GDA: variants seen among roughly 807,000 people sequenced by gnomAD.
The protein encoded by GDA is cytoplasmic PSD-95 interactor.
GDA carries 18 observed loss-of-function variants against 59.6 expected under a neutral mutation model. That is an observed-to-expected ratio of 0.30 (90% CI 0.21 to 0.45). The LOEUF (loss-of-function observed/expected upper bound fraction) is 0.45. Ranked by LOEUF, GDA falls within the 20% of genes least tolerant of loss-of-function variation. The pLI, the probability that GDA is intolerant of heterozygous loss-of-function variation, is 1.00. For synonymous variants in GDA, 201 were observed against 201.1 expected (o/e 1.00, Z 0.00); for missense variants, 427 against 552.3 (o/e 0.77, Z 2.27).
downstream of GDA, among the ~76,000 whole-genome samples, chr9:72,259,537 G>A (rs116535726): frequency 4.1e-3 from 628 of 152,294 alleles, 4 homozygotes; most frequent in African/African-American, 0.014. Context: ...AGCCATGGAA[G>A]ACCTGCTGAT....
chr9:72,255,865 T>C (rs560232491), downstream of GDA, among the ~76,000 whole-genome samples: 12 of 152,328 alleles, frequency 7.9e-5, no homozygotes, highest in South Asian at 4.1e-4. Flanking sequence ...ATGGATGTAT[T>C]ATTTATTGTA....
At chr9:72,230,838 AT>A (rs1838250256) in intron 9 of GDA, among the ~76,000 whole-genome samples, 1 of 152,162 alleles carries the variant, frequency 6.6e-6, no homozygotes, top group South Asian at 2.1e-4. Context: ...TGATTTCTTC[AT>A]TTTTTTCCCA....
intron 1 of GDA, among the ~76,000 whole-genome samples, chr9:72,157,325 G>A (rs1828033854): frequency 6.6e-6 from 1 of 152,166 alleles, no homozygotes; most frequent in South Asian, 2.1e-4. Flanking sequence ...ACAGGCGTGA[G>A]CCACGGTAGC....
intron 1 of GDA, chr9:72,194,248 T>G (rs570970600): frequency 4.6e-5 from 7 of 152,314 alleles, no homozygotes; most frequent in African/African-American, 1.7e-4. Flanking sequence ...TGTGCTGAGT[T>G]TCACCCAAGG....
chr9:72,127,052 C>T (rs186841280), intron 1 of GDA, among the ~76,000 whole-genome samples: 148 of 152,062 alleles, frequency 9.7e-4, no homozygotes, highest in African/African-American at 3.4e-3. Flanking sequence ...TTGCTCCAAA[C>T]TTACCATCTA....
chr9:72,220,300 T>G (rs760101428), intron 6 of GDA, among the ~76,000 whole-genome samples: 1 of 152,218 alleles, frequency 6.6e-6, no homozygotes, highest in African/African-American at 2.4e-5. Context: ...CCTAGCCCTC[T>G]GTGTTTTGTT....
chr9:72,195,402 C>A, intron 1 of GDA, 98 bp from the exon 2 acceptor site: 2 of 316,956 alleles, frequency 6.3e-6, no homozygotes, highest in Non-Finnish European at 1.1e-5. Context: ...TTTAACTCAG[C>A]TATAGTCTCT....
intron 1 of GDA, among the ~76,000 whole-genome samples, chr9:72,127,592 A>C (rs930594941): frequency 2.7e-5 from 4 of 149,558 alleles, no homozygotes; most frequent in African/African-American, 9.9e-5. Flanking sequence ...AGCCAAGATC[A>C]CTCCACTGCA....
intron 1 of GDA, among the ~76,000 whole-genome samples, chr9:72,190,030 TCTAA>T (rs1339894114): frequency 6.6e-6 from 1 of 152,184 alleles, no homozygotes; most frequent in African/African-American, 2.4e-5. Flanking sequence ...GGGATGAAGC[TCTAA>T]TCAGTGGATT....
intron 10 of GDA, among the ~76,000 whole-genome samples, chr9:72,240,402 A>G (rs1250866349): frequency 6.6e-6 from 1 of 152,310 alleles, no homozygotes; most frequent in Middle Eastern, 3.4e-3. Flanking sequence ...CTTTATAACT[A>G]TGCAGGCATA....
chr9:72,223,768 TA>T (rs1245121534), intron 7 of GDA, among the ~76,000 whole-genome samples: 1 of 152,230 alleles, frequency 6.6e-6, no homozygotes, highest in Non-Finnish European at 1.5e-5. Context: ...AATTTAGGAA[TA>T]AAACACTTTT....
chr9:72,160,588 G>A (rs1429868098), intron 1 of GDA, among the ~76,000 whole-genome samples: 1 of 152,138 alleles, frequency 6.6e-6, no homozygotes, highest in Non-Finnish European at 1.5e-5. Context: ...CTGAATAATA[G>A]TCCATTGTGT....
At chr9:72,199,731 C>T (rs1399768749) in intron 2 of GDA, among the ~76,000 whole-genome samples, 5 of 152,094 alleles carry the variant, frequency 3.3e-5, no homozygotes, top group African/African-American at 1.2e-4. Context: ...ATTTTTGACC[C>T]TTGCAGTTTT....
At chr9:72,164,511 A>G (rs1240565676) in intron 1 of GDA, among the ~76,000 whole-genome samples, 1 of 152,222 alleles carries the variant, frequency 6.6e-6, no homozygotes, top group Non-Finnish European at 1.5e-5. Flanking sequence ...ACATGCAGAC[A>G]GTAATCACAG....
intron 1 of GDA, among the ~76,000 whole-genome samples, chr9:72,122,525 G>A (rs1825696675): frequency 6.6e-6 from 1 of 152,086 alleles, no homozygotes; most frequent in African/African-American, 2.4e-5. Context: ...ATGGAACGGA[G>A]AGTTAACGTA....
chr9:72,161,753 C>T (rs1406339176), intron 1 of GDA, among the ~76,000 whole-genome samples: 1 of 152,208 alleles, frequency 6.6e-6, no homozygotes, highest in African/African-American at 2.4e-5. Context: ...GGTAGACCCT[C>T]CATAAGCAAT....
chr9:72,231,108 C>T lies in GDA; in HGVS notation c.921-6C>T, dbSNP rs749236424. On this transcript the variant is annotated splice_region_variant and splice_polypyrimidine_tract_variant and intron_variant, in intron 9 of 13. Transcript: ENST00000358399. The stretch of plus-strand genomic sequence containing the variant: ...CTCCTTGTTCTGACATCTCCTCTCT[C>T]TACAGGCTCAGCAGTGGATTTCTAA... The T allele has an allele frequency of 7.8e-6, 12 of 1,546,650 alleles. No homozygotes were observed. The highest frequency in any genetic ancestry group is 1.1e-5 in the Non-Finnish European group (12 of 1,118,558).
At chr9:72,147,179 C>T (rs749993940), upstream of GDA, among the ~76,000 whole-genome samples, 3 of 152,066 alleles carry the variant, frequency 2.0e-5, no homozygotes, top group Admixed American at 6.6e-5. Context: ...TGGTTTTCAT[C>T]GTAGCATAGA....
intron 3 of GDA, among the ~76,000 whole-genome samples, chr9:72,205,917 G>A (rs974237878): frequency 6.6e-6 from 1 of 152,166 alleles, no homozygotes; most frequent in Non-Finnish European, 1.5e-5. Flanking sequence ...TGAGGAAGGG[G>A]CTTACTATCA....
Sources: allele counts gnomAD v4.1 joint callset (sites outside exome capture counted in the v4.1 genomes callset), GRCh38; gene constraint gnomAD v4.1.1; transcripts MANE v1.5; gene names NCBI Gene and HGNC (gene_info 2026-07-23, HGNC 2026-07-21).